SYT11: variants seen among roughly 807,000 people sequenced by gnomAD.
SYT11 encodes synaptotagmin-11.
Under a neutral mutation model 30.4 loss-of-function variants are expected in SYT11, and 12 were observed. The ratio of observed to expected loss-of-function variants is 0.39; its 90% CI spans 0.25 to 0.64. The LOEUF (loss-of-function observed/expected upper bound fraction) is 0.64. Ranked by LOEUF, SYT11 falls within the 30% of genes least tolerant of loss-of-function variation. SYT11 has a pLI of 0.45. For synonymous variants in SYT11, 204 were observed against 216.0 expected (o/e 0.94, Z 0.49); for missense variants, 412 against 552.0 (o/e 0.75, Z 2.54).
chr1:155,875,731 G>T (rs903442107), intron 2 of SYT11, among the ~76,000 whole-genome samples: 3 of 152,006 alleles, frequency 2.0e-5, no homozygotes, highest in Non-Finnish European at 2.9e-5. Context: ...CCCTGTGAGA[G>T]ACATTTCCAT....
chr1:155,865,550 C>A (rs927160455), intron 1 of SYT11, among the ~76,000 whole-genome samples: 13 of 151,652 alleles, frequency 8.6e-5, no homozygotes, highest in Non-Finnish European at 1.6e-4. Context: ...ATTGCTTGAA[C>A]TCTGGAGGCG....
intron 2 of SYT11, among the ~76,000 whole-genome samples, chr1:155,874,811 A>G (rs1571977925): frequency 1.4e-5 from 2 of 145,212 alleles, no homozygotes; most frequent in South Asian, 4.4e-4. Context: ...AATGGCCTGA[A>G]CCCGGGAGGC....
At position 155,868,223 on chromosome 1, in the gene SYT11, C is replaced by A. The variant is rs1414755396; in HGVS notation, c.293C>A (p.Ala98Glu). ...GGACGTAGGAACCTGTTGGTGGACGCAGCAGAGGCTGGCCTGCTAAGCCGA... is the reference window on the plus strand; with the variant it reads ...GGACGTAGGAACCTGTTGGTGGACGAAGCAGAGGCTGGCCTGCTAAGCCGA... Reference protein sequence around the residue: ...EGGRRNLLVDAAEAGLLSRDK... With the variant: ...EGGRRNLLVDEAEAGLLSRDK... The change falls in exon 2 of 4, where the codon GCA becomes GAA. Residue 98 changes from alanine (A) to glutamate (E), a missense_variant. Coordinates refer to ENST00000368324, the MANE Select transcript of SYT11 (RefSeq NM_152280.5). The surrounding 1 kb of genome is among the most constrained non-coding windows in gnomAD (Gnocchi z 4.7). The A allele has an allele frequency of 6.2e-7, 1 of 1,613,964 alleles. No homozygotes were observed. The highest frequency in any genetic ancestry group is 1.3e-5 in the African/African-American group (1 of 74,886).
chr1:155,881,126 A>AATTACC, intron 3 of SYT11, 72 bp from the exon 4 acceptor site: 1 of 1,485,970 alleles, frequency 6.7e-7, no homozygotes, highest in South Asian at 1.3e-5. Context: ...CCCAACATGA[A>AATTACC]ATTACCATTA....
rs1322433084 is a variant in SYT11, at chr1:155,868,549, C to T, written c.619C>T (p.Arg207Trp). The T allele has an allele frequency of 3.7e-6, 6 of 1,614,202 alleles. No homozygotes were observed. In the South Asian group the frequency reaches 5.5e-5, roughly 15 times the overall value. ...CAAAATGACCATCCTTCCTGACAAA[C>T]GGCATCGGGTGAAGACCAGAGTGCT... ...YIKMTILPDK[R>W]HRVKTRVLRK... The change falls in exon 2 of 4, where the codon CGG (arginine) becomes TGG (tryptophan). Residue 207 changes from arginine to tryptophan, a missense_variant. Physicochemically the swap from Arg to Trp is moderately radical, Grantham distance 101 (BLOSUM62 -3). Transcript: ENST00000368324. This position sits in a 1 kb window ranked among gnomAD's most constrained non-coding sequence, Gnocchi z 4.7.
chr1:155,867,230 T>C (rs933508366), intron 1 of SYT11, among the ~76,000 whole-genome samples: 2 of 152,100 alleles, frequency 1.3e-5, no homozygotes, highest in South Asian at 2.1e-4. Flanking sequence ...GCTAATTTTT[T>C]ATATTTTTAG....
chr1:155,881,417 G>A lies in SYT11; in HGVS notation c.1205G>A (p.Ser402Asn), dbSNP rs1481651013. The change falls in exon 4 of 4, where the codon AGT (serine) becomes AAT (asparagine). Residue 402 changes from serine to asparagine, a missense_variant. Ser to Asn is a conservative substitution (Grantham distance 46, BLOSUM62 1). Coordinates refer to ENST00000368324, the MANE Select transcript of SYT11 (RefSeq NM_152280.5). Reference protein sequence around the residue: ...VVGRLILGAHSVTASGAEHWR... With the variant: ...VVGRLILGAHNVTASGAEHWR... ...GGGAGGCTGATCCTGGGGGCACACA[G>A]TGTCACAGCCAGTGGTGCTGAACAC... The A allele has an allele frequency of 6.2e-7, 1 of 1,614,052 alleles. No homozygotes were observed. Among genetic ancestry groups the A allele is most frequent in the East Asian group, 2.2e-5 (1 of 44,874 alleles).
intron 2 of SYT11, among the ~76,000 whole-genome samples, chr1:155,877,438 C>T (rs867968847): frequency 9.9e-5 from 15 of 152,088 alleles, no homozygotes; most frequent in Middle Eastern, 6.8e-3. Flanking sequence ...CTCACTCTGT[C>T]ACCAAGGCTG....
chr1:155,869,044 G>T (rs1672738995), intron 2 of SYT11, among the ~76,000 whole-genome samples: 1 of 152,160 alleles, frequency 6.6e-6, no homozygotes, highest in African/African-American at 2.4e-5. Flanking sequence ...TTGGCATCCT[G>T]ATGCTGTCCA....
rs1673021066 is a variant in SYT11, at chr1:155,883,832, AT to A, written c.*2327del. On this transcript the variant is annotated 3_prime_UTR_variant, in exon 4 of 4. Coordinates refer to ENST00000368324, the MANE Select transcript of SYT11 (RefSeq NM_152280.5). Reference sequence around the variant, plus strand: ...CTGCTCCCCCTAAACCTTTTGTTTGATTTCAGCCCATGTTCTTGACAATGCA... The same window carrying A: ...CTGCTCCCCCTAAACCTTTTGTTTGATTCAGCCCATGTTCTTGACAATGCA... The A allele has an allele frequency of 6.6e-6, 1 of 151,942 alleles. No individual in the cohort carries two copies. Among genetic ancestry groups the A allele is most frequent in the African/African-American group, 2.4e-5 (1 of 41,274 alleles). 9.4% of individuals were successfully genotyped at this position (151,942 alleles called of 1,614,324 possible). A position where few individuals can be genotyped will look rare whatever the true frequency, so the allele number is the denominator to read the frequency against.
rs890768796 is a variant in SYT11 at position 155,868,415 on chromosome 1, C to A, written c.485C>A (p.Thr162Asn). 6.2e-7 allele frequency: 1 copy of A among 1,613,970 alleles called. No individual in the cohort carries two copies. Residue 162 changes from threonine (T) to asparagine (N), a missense_variant, in exon 2 of 4, where the codon ACC (threonine) becomes AAC (asparagine). Thr to Asn is a moderately conservative substitution (Grantham distance 65). Transcript: ENST00000368324. The surrounding 1 kb of genome is among the most constrained non-coding windows in gnomAD (Gnocchi z 4.7). Reference sequence around the variant, plus strand: ...GAGGATGTCATGCTAGGATCCCTCACCTTCTCAGTGGACTATAACTTCCCG... The same window carrying A: ...GAGGATGTCATGCTAGGATCCCTCAACTTCTCAGTGGACTATAACTTCCCG... ...PEEDVMLGSL[T>N]FSVDYNFPKK...
At chr1:155,878,839 C>G (rs1326113758) in intron 2 of SYT11, among the ~76,000 whole-genome samples, 1 of 151,582 alleles carries the variant, frequency 6.6e-6, no homozygotes, top group Non-Finnish European at 1.5e-5. Context: ...TACACTCCAG[C>G]CTGGGTGACA....
rs1672958620 is a variant in SYT11 at position 155,881,379 on chromosome 1, G to A, written c.1167G>A (p.Lys389=). 1 of 1,614,136 alleles carries A rather than the reference G, an allele frequency of 6.2e-7. No homozygotes were observed. The highest frequency in any genetic ancestry group is 1.1e-5 in the South Asian group (1 of 91,058). The part of the protein sequence containing the change: ...FLVIDFDRTT[K]NEVVGRLILG... Reference sequence around the variant, plus strand: ...TTATCGACTTCGATCGCACCACCAAGAATGAGGTGGTGGGGAGGCTGATCC... The same window carrying A: ...TTATCGACTTCGATCGCACCACCAAAAATGAGGTGGTGGGGAGGCTGATCC... Residue 389 remains lysine (K), a synonymous_variant, in exon 4 of 4, where the codon AAG becomes AAA. Transcript: ENST00000368324.
chr1:155,874,126 A>C (rs975047281), intron 2 of SYT11, among the ~76,000 whole-genome samples: 10 of 151,158 alleles, frequency 6.6e-5, no homozygotes, highest in African/African-American at 2.4e-4. Flanking sequence ...CGTGGCGGAA[A>C]CCCCAGACAT....
rs748723709 is a variant in SYT11 at position 155,881,194 on chromosome 1, C to G, written c.986-4C>G. ...CCTTTTTCTTATCTCTTTGGGGGCCCCAGATCCTTATGTCAAGGTGAACGT... is the reference window on the plus strand; with the variant it reads ...CCTTTTTCTTATCTCTTTGGGGGCCGCAGATCCTTATGTCAAGGTGAACGT... On this transcript the variant is annotated splice_region_variant and splice_polypyrimidine_tract_variant and intron_variant, in intron 3 of 3. Coordinates refer to ENST00000368324, the MANE Select transcript of SYT11 (RefSeq NM_152280.5). The G allele has an allele frequency of 6.2e-7, 1 of 1,611,040 alleles. No individual in the cohort carries two copies.
intron 2 of SYT11, among the ~76,000 whole-genome samples, chr1:155,878,892 T>C (rs1276057147): frequency 6.6e-6 from 1 of 150,566 alleles, no homozygotes; most frequent in Non-Finnish European, 1.5e-5. Context: ...AAAAAATAAA[T>C]AAATAAATTA....
At chr1:155,877,396 G>T (rs1030593659) in intron 2 of SYT11, among the ~76,000 whole-genome samples, 2 of 151,698 alleles carry the variant, frequency 1.3e-5, no homozygotes, top group South Asian at 4.2e-4. Context: ...GAGCCACTGC[G>T]CCCAGCCACA....
chr1:155,860,417 G>A lies in SYT11; in HGVS notation c.34+622G>A, dbSNP rs1175557727. Among the ~76,000 whole-genome samples, 4 of 152,244 alleles carry A rather than the reference G, an allele frequency of 2.6e-5. No individual in the cohort carries two copies. Among genetic ancestry groups the A allele is most frequent in the South Asian group, 2.1e-4 (1 of 4,836 alleles). ...GCAAGCTCCATTCCGCATCGTAATG[G>A]TGGGGTCCCTCCGATGCTACCAAAT... On this transcript the variant is annotated intron_variant, in intron 1 of 3. Coordinates refer to ENST00000368324, the MANE Select transcript of SYT11 (RefSeq NM_152280.5). The surrounding 1 kb of genome is among the most constrained non-coding windows in gnomAD (Gnocchi z 4.1).
At position 155,884,062 on chromosome 1, in the gene SYT11, G is replaced by A. The variant is rs1416586122; in HGVS notation, c.*2554G>A. ...AAAATGCATTTTGAGATAGTTTAAT[G>A]TAAATCTGACAGGAGCATTCTGAAG... is the stretch of plus-strand genomic sequence containing the variant. On this transcript the variant is annotated 3_prime_UTR_variant, in exon 4 of 4. Transcript: ENST00000368324. The A allele has an allele frequency of 6.5e-6, 1 of 152,764 alleles. No individual in the cohort carries two copies. The highest frequency in any genetic ancestry group is 1.5e-5 in the Non-Finnish European group (1 of 68,038). 9.5% of individuals were successfully genotyped at this position (152,764 alleles called of 1,614,324 possible). A position where few individuals can be genotyped will look rare whatever the true frequency, so the allele number is the denominator to read the frequency against.
Sources: allele counts gnomAD v4.1 joint callset (sites outside exome capture counted in the v4.1 genomes callset), GRCh38; gene constraint gnomAD v4.1.1; non-coding constraint Gnocchi (gnomAD v3.1); transcripts MANE v1.5; gene names NCBI Gene and HGNC (gene_info 2026-07-23, HGNC 2026-07-21).